The following MXD4 variants were observed in gnomAD, a reference collection of about 807,000 sequenced individuals.
MXD4 encodes MAX dimerization protein 4.
MXD4 carries 16 observed loss-of-function variants against 24.5 expected under a neutral mutation model. The ratio of observed to expected loss-of-function variants is 0.65; its 90% confidence interval spans 0.44 to 0.99. The LOEUF (loss-of-function observed/expected upper bound fraction) is 0.99. Among genes scored for constraint, MXD4 ranks in the 50% least tolerant of loss-of-function variants. The probability of loss-of-function intolerance (pLI) is 0.00; values close to 1 mark genes in which losing one functional copy is unlikely to be tolerated. For synonymous variants in MXD4, 164 were observed against 134.2 expected (o/e 1.22, Z -1.54); for missense variants, 301 against 301.5 (o/e 1.00, Z 0.01).
At chr4:2,257,435 C>G (rs1038532248) in intron 3 of MXD4, among the ~76,000 whole-genome samples, 3 of 152,192 alleles carry the variant, frequency 2.0e-5, no homozygotes, top group Admixed American at 6.5e-5. Flanking sequence ...TGCACCTCAT[C>G]CCCACCAGCA....
At chr4:2,255,943 C>T (rs1272371054) in intron 3 of MXD4, among the ~76,000 whole-genome samples, 1 of 152,138 alleles carries the variant, frequency 6.6e-6, no homozygotes, top group Non-Finnish European at 1.5e-5. Flanking sequence ...CTCCCACTCC[C>T]TCTGCCTGCG....
rs542669076 is a variant in MXD4, at chr4:2,252,112, G to A, written c.309+296C>T. ...GACCCCAGAGAGCAATCTGTCCCCC[G>A]ACCTCCTCCTCTCCATCCCAGTCTA... On this transcript the variant is annotated intron_variant, in intron 4 of 5. Transcript: ENST00000337190. Among the ~76,000 whole-genome samples, 7 of 152,058 alleles carry A rather than the reference G, an allele frequency of 4.6e-5. No homozygotes were observed. The East Asian group carries it at 7.8e-4, about 17-fold the overall frequency.
Position 2,250,088 on chromosome 4 carries a change from T to A in MXD4, c.*456A>T, listed in dbSNP as rs1735285278. 1 of 169,814 alleles carries A rather than the reference T, an allele frequency of 5.9e-6. No individual in the cohort carries two copies. The highest frequency in any genetic ancestry group is 1.3e-5 in the Non-Finnish European group (1 of 77,340). 10.5% of individuals were successfully genotyped at this position (169,814 alleles called of 1,614,324 possible). On this transcript the variant is annotated 3_prime_UTR_variant, in exon 6 of 6. Transcript: ENST00000337190. ...CCAGGAGCCTATGTGGACTGACAGG[T>A]AGGTGGACAGACGGACGGATGGACA...
At chr4:2,261,619 G>T in intron 2 of MXD4, 106 bp downstream of exon 2, 1 of 547,792 alleles carries the variant, frequency 1.8e-6, no homozygotes, top group Non-Finnish European at 2.4e-6. Context: ...GCGCGCGGCG[G>T]CGGCGCTGAG....
rs1330813256 is a variant in MXD4, at chr4:2,249,481, C to G, written c.*1063G>C. 6.6e-6 allele frequency: 1 copy of G among 151,676 alleles called. No homozygotes were observed. The highest frequency in any genetic ancestry group is 1.5e-5 in the Non-Finnish European group (1 of 67,878). 9.4% of individuals were successfully genotyped at this position (151,676 alleles called of 1,614,324 possible). A position where few individuals can be genotyped will look rare whatever the true frequency, so the allele number is the denominator to read the frequency against. On this transcript the variant is annotated 3_prime_UTR_variant, in exon 6 of 6. Coordinates refer to ENST00000337190, the MANE Select transcript of MXD4 (RefSeq NM_006454.3). ...TTTTTTTTCTGGGAAAGCCTCTCTG[C>G]CAGCTGAAGCTGCCGCAGCAGAGCT... is the stretch of plus-strand genomic sequence containing the variant.
intron 1 of MXD4, 32 bp from the exon 2 acceptor site, chr4:2,261,856 G>T (rs1240251461): frequency 5.1e-6 from 7 of 1,364,014 alleles, no homozygotes; most frequent in Non-Finnish European, 5.7e-6. Context: ...AGCGGCCCCC[G>T]CCCGGCACGG....
In MXD4 at chr4:2,258,023, G is replaced by GA. The variant is rs1560114809; in HGVS notation, c.165-13dup. ...CGTTGTGTGAAGACCTGTTTAGAAA[G>GA]ACAGAAAGACAGAGCTCACTCTTCT... On this transcript the variant is annotated splice_polypyrimidine_tract_variant and intron_variant, in intron 2 of 5. Coordinates refer to ENST00000337190, the MANE Select transcript of MXD4 (RefSeq NM_006454.3). 6.2e-7 allele frequency: 1 copy of GA among 1,613,570 alleles called. No homozygotes were observed. The highest frequency in any genetic ancestry group is 8.5e-7 in the Non-Finnish European group (1 of 1,179,896).
At chr4:2,258,879 G>C (rs1437654471) in intron 2 of MXD4, 2 of 455,738 alleles carry the variant, frequency 4.4e-6, no homozygotes, top group African/African-American at 4.0e-5. Context: ...CCCACCTGCT[G>C]CTCACCTGTC....
In MXD4 at chr4:2,262,029, GC is replaced by G; in HGVS notation, c.-50del. 3.9e-6 allele frequency: 4 copies of G among 1,030,342 alleles called. No homozygotes were observed. The highest frequency in any genetic ancestry group is 4.7e-6 in the Non-Finnish European group (4 of 850,448). 63.8% of individuals were successfully genotyped at this position (1,030,342 alleles called of 1,614,324 possible). A position where few individuals can be genotyped will look rare whatever the true frequency, so the allele number is the denominator to read the frequency against. On this transcript the variant is annotated 5_prime_UTR_variant, in exon 1 of 6. Transcript: ENST00000337190. ...CCGGGACGGCGGCGGCCGCTGCCCG[GC>G]CCGCTCCGGCCGGCTCCGCTCGCCG... is the stretch of plus-strand genomic sequence containing the variant.
intron 3 of MXD4, 155 bp from the exon 4 acceptor site, chr4:2,252,677 C>G (rs373722225): frequency 1.7e-6 from 1 of 582,542 alleles, no homozygotes. Flanking sequence ...TGGGAACCCC[C>G]GTCCCCCACC....
intron 4 of MXD4, among the ~76,000 whole-genome samples, chr4:2,252,141 T>C (rs1735336105): frequency 6.6e-6 from 1 of 152,090 alleles, no homozygotes; most frequent in African/African-American, 2.4e-5. Context: ...CAGTCTATGC[T>C]GCGATGCGGC....
Position 2,248,582 on chromosome 4 carries a change from C to T in MXD4, c.*1962G>A, listed in dbSNP as rs114299279. 0.014 allele frequency: 2,115 copies of T among 152,530 alleles called. 30 individuals carry two copies. Among genetic ancestry groups the T allele is most frequent in the Non-Finnish European group, 0.022 (1,499 of 68,200 alleles). 9.4% of individuals were successfully genotyped at this position (152,530 alleles called of 1,614,324 possible). ...AGGGGAAGCTCCTTTCTGGGCACCC[C>T]TGGACCCCAGTGGGGCCGGAAGGAG... On this transcript the variant is annotated 3_prime_UTR_variant, in exon 6 of 6. Coordinates refer to ENST00000337190, the MANE Select transcript of MXD4 (RefSeq NM_006454.3).
chr4:2,261,849 G>A (rs1441153255), intron 1 of MXD4, 25 bp from the exon 2 acceptor site: 3 of 1,360,554 alleles, frequency 2.2e-6, no homozygotes, highest in South Asian at 1.6e-5. Flanking sequence ...CGCGGTCAGC[G>A]GCCCCCGCCC....
intron 2 of MXD4, chr4:2,258,839 C>A (rs1280175754): frequency 1.8e-5 from 8 of 450,106 alleles, no homozygotes; most frequent in South Asian, 9.4e-5. Flanking sequence ...GCCCTGGAGG[C>A]CCGGGCTCAG....
chr4:2,260,613 A>G (rs1023036644), intron 2 of MXD4: 1 of 455,112 alleles, frequency 2.2e-6, no homozygotes, highest in Non-Finnish European at 4.4e-6. Context: ...GTCCTTCCCC[A>G]AACTGTCCCC....
intron 5 of MXD4, 39 bp downstream of exon 5, chr4:2,251,045 G>C (rs756732282): frequency 8.0e-6 from 12 of 1,506,396 alleles, no homozygotes; most frequent in Non-Finnish European, 9.8e-6. Flanking sequence ...CTGCGCACCC[G>C]GAGGCCCAGG....
chr4:2,257,207 G>A (rs754570046), intron 3 of MXD4, among the ~76,000 whole-genome samples: 1 of 152,222 alleles, frequency 6.6e-6, no homozygotes, highest in Non-Finnish European at 1.5e-5. Flanking sequence ...TTCTGGAGGG[G>A]ACTGTGGGGG....
At chr4:2,258,483 C>T (rs1405398035) in intron 2 of MXD4, among the ~76,000 whole-genome samples, 1 of 152,166 alleles carries the variant, frequency 6.6e-6, no homozygotes, top group Non-Finnish European at 1.5e-5. Context: ...TGGCGCTGAC[C>T]CCCACCAGCC....
intron 3 of MXD4, chr4:2,252,809 C>T: frequency 2.8e-6 from 1 of 359,674 alleles, no homozygotes; most frequent in Non-Finnish European, 5.2e-6. Context: ...GCTCGCCCCC[C>T]TGCCATCCCC....
Sources: allele counts gnomAD v4.1 joint callset (sites outside exome capture counted in the v4.1 genomes callset), GRCh38; gene constraint gnomAD v4.1.1; transcripts MANE v1.5; gene names NCBI Gene and HGNC (gene_info 2026-07-23, HGNC 2026-07-21).